Variants in SPECC1 observed in about 807,000 individuals in gnomAD.
SPECC1 encodes the protein sperm antigen with calponin homology and coiled-coil domains 1.
SPECC1 carries 62 observed loss-of-function variants against 104.1 expected under a neutral mutation model. The ratio of observed to expected loss-of-function variants is 0.60; its 90% CI spans 0.49 to 0.74. SPECC1 has a LOEUF of 0.74. Among genes scored for constraint, SPECC1 ranks in the 30% least tolerant of loss-of-function variants. SPECC1 has a pLI of 0.00. For synonymous variants in SPECC1, 513 were observed against 501.6 expected, an observed-to-expected ratio of 1.02 and a Z score of -0.30; for missense variants, 1,306 against 1,310.5, an observed-to-expected ratio of 1.00 and a Z score of 0.05.
At chr17:20,199,359 T>A (rs1431464802) in intron 3 of SPECC1, among the ~76,000 whole-genome samples, 1 of 147,984 alleles carries the variant, frequency 6.8e-6, no homozygotes, top group Non-Finnish European at 1.5e-5. Flanking sequence ...AGTGCTGGAA[T>A]TACAGGCGTG....
intron 3 of SPECC1, among the ~76,000 whole-genome samples, chr17:20,180,813 A>G (rs922663532): frequency 7.2e-5 from 11 of 152,244 alleles, no homozygotes. Context: ...TATGCAACAA[A>G]TGTATTGCAT....
At chr17:20,230,508 C>T (rs200392213) in intron 5 of SPECC1, among the ~76,000 whole-genome samples, 7 of 151,274 alleles carry the variant, frequency 4.6e-5, no homozygotes, top group African/African-American at 1.7e-4. Context: ...AAGACAAGTT[C>T]TGTTTTGTTT....
At chr17:20,086,261 G>A (rs561071925) in intron 1 of SPECC1, among the ~76,000 whole-genome samples, 32 of 152,256 alleles carry the variant, frequency 2.1e-4, no homozygotes, top group African/African-American at 7.7e-4. Context: ...TTTTCCTGGG[G>A]AAGTAGCTCT....
chr17:20,284,740 A>C (rs138473147), intron 12 of SPECC1, among the ~76,000 whole-genome samples: 1 of 152,076 alleles, frequency 6.6e-6, no homozygotes, highest in African/African-American at 2.4e-5. Context: ...AAAACTAAAA[A>C]CTCAATCTGA....
At chr17:20,047,357 T>A (rs1358665014) in intron 1 of SPECC1, among the ~76,000 whole-genome samples, 1 of 152,194 alleles carries the variant, frequency 6.6e-6, no homozygotes, top group African/African-American at 2.4e-5. Flanking sequence ...TTTTCCGCAT[T>A]ATGGGTCACC....
At chr17:20,156,718 G>GGGGTGTC (rs760043717) in intron 3 of SPECC1, among the ~76,000 whole-genome samples, 1 of 152,194 alleles carries the variant, frequency 6.6e-6, no homozygotes, top group Non-Finnish European at 1.5e-5. Context: ...TGCTTGTTCT[G>GGGGTGTC]GGGTGTCGGG....
chr17:20,236,475 T>C (rs2038917780), intron 7 of SPECC1, among the ~76,000 whole-genome samples: 1 of 152,106 alleles, frequency 6.6e-6, no homozygotes, highest in Admixed American at 6.5e-5. Context: ...GCCTTTAGGA[T>C]TTTTAGGTTG....
intron 12 of SPECC1, among the ~76,000 whole-genome samples, chr17:20,264,111 A>G (rs887722319): frequency 5.9e-5 from 9 of 151,950 alleles, no homozygotes; most frequent in Admixed American, 1.3e-4. Flanking sequence ...TTAGGAAGCC[A>G]AAAATAACTG....
chr17:20,271,804 C>T (rs891435357), intron 12 of SPECC1, among the ~76,000 whole-genome samples: 2 of 151,592 alleles, frequency 1.3e-5, no homozygotes, highest in Non-Finnish European at 2.9e-5. Flanking sequence ...TCAGTATCTC[C>T]CTGAGAATGA....
At chr17:20,095,413 G>A (rs2047598726) in intron 1 of SPECC1, among the ~76,000 whole-genome samples, 1 of 152,216 alleles carries the variant, frequency 6.6e-6, no homozygotes, top group African/African-American at 2.4e-5. Context: ...CATTCACAGA[G>A]CCGCTGCCAT....
In SPECC1 at chr17:20,205,069, A is replaced by G; in HGVS notation, c.1020A>G (p.Ser340=). 6.2e-7 allele frequency: 1 copy of G among 1,614,210 alleles called. No homozygotes were observed. Among genetic ancestry groups the G allele is most frequent in the Non-Finnish European group, 8.5e-7 (1 of 1,180,032 alleles). Residue 340 remains serine (S), a synonymous_variant, in exon 4 of 15, where the codon TCA becomes TCG. Coordinates refer to ENST00000395527, the MANE Select transcript of SPECC1 (RefSeq NM_001243439.2). ...AGCACATTACAGCAGAGACACCCTC[A>G]AGGCCCCTGTCCTCCACCAGTAACC... ...DFEHITAETP[S]RPLSSTSNPF...
chr17:20,166,502 A>G (rs1343496419), intron 3 of SPECC1, among the ~76,000 whole-genome samples: 1 of 152,218 alleles, frequency 6.6e-6, no homozygotes, highest in Non-Finnish European at 1.5e-5. Context: ...GAAAACTACA[A>G]TTATAGATCA....
At chr17:20,163,192 T>C (rs1292830488) in intron 3 of SPECC1, among the ~76,000 whole-genome samples, 1 of 152,240 alleles carries the variant, frequency 6.6e-6, no homozygotes, top group East Asian at 1.9e-4. Context: ...ATATATATAC[T>C]GCAGAAAAGC....
intron 1 of SPECC1, among the ~76,000 whole-genome samples, chr17:20,059,022 T>G (rs1476433586): frequency 6.7e-6 from 1 of 148,796 alleles, no homozygotes; most frequent in Non-Finnish European, 1.5e-5. Flanking sequence ...TTTTGAATTT[T>G]TAGTAGACGG....
At chr17:20,293,999 G>GT (rs753287965) in intron 12 of SPECC1, among the ~76,000 whole-genome samples, 23 of 151,662 alleles carry the variant, frequency 1.5e-4, no homozygotes, top group South Asian at 4.2e-4. Flanking sequence ...TTTTGTTTTT[G>GT]TTTTTTTTGA....
chr17:20,025,746 A>G (rs964931987), intron 1 of SPECC1, among the ~76,000 whole-genome samples: 2 of 152,210 alleles, frequency 1.3e-5, no homozygotes, highest in African/African-American at 4.8e-5. Context: ...TTCCTGGGTC[A>G]TACGGTAACT....
chr17:20,269,343 C>A (rs1168513604), intron 12 of SPECC1, among the ~76,000 whole-genome samples: 2 of 152,202 alleles, frequency 1.3e-5, no homozygotes, highest in African/African-American at 4.8e-5. Flanking sequence ...TGCTGAACAG[C>A]AGCTTTCCTT....
intron 12 of SPECC1, among the ~76,000 whole-genome samples, chr17:20,292,343 T>TTG (rs2041197935): frequency 6.6e-6 from 1 of 150,388 alleles, no homozygotes; most frequent in African/African-American, 2.4e-5. Flanking sequence ...TCTTTTTTTT[T>TTG]GGGGGGGGGA....
chr17:20,202,608 A>G (rs2036506136), intron 3 of SPECC1, among the ~76,000 whole-genome samples: 1 of 152,216 alleles, frequency 6.6e-6, no homozygotes, highest in Admixed American at 6.5e-5. Context: ...GGTTTTCTGA[A>G]TAACATTTTC....
Sources: gnomAD v4.1 joint callset for allele counts (sites outside exome capture counted in the v4.1 genomes callset) on GRCh38, gnomAD v4.1.1 for gene constraint, MANE v1.5 for transcripts, NCBI Gene and HGNC (gene_info 2026-07-23, HGNC 2026-07-21) for gene names.